NDUFAF2: variants seen among roughly 807,000 people sequenced by gnomAD.
The protein encoded by NDUFAF2 is NADH dehydrogenase [ubiquinone] 1 alpha subcomplex assembly factor 2.
A neutral mutation model predicts 22.8 loss-of-function variants in NDUFAF2; 13 were observed. The ratio of observed to expected loss-of-function variants is 0.57; its 90% confidence interval spans 0.37 to 0.91. The LOEUF is 0.91. NDUFAF2 is among the 40% of genes least tolerant of loss of function. The probability of loss-of-function intolerance (pLI) is 0.01; values close to 1 mark genes in which losing one functional copy is unlikely to be tolerated. For synonymous variants in NDUFAF2, 53 were observed against 64.2 expected (o/e 0.83, Z 0.84); for missense variants, 162 against 195.2 (o/e 0.83, Z 1.01).
At chr5:60,974,569 T>C (rs560871572) in intron 1 of NDUFAF2, among the ~76,000 whole-genome samples, 17 of 152,236 alleles carry the variant, frequency 1.1e-4, no homozygotes, top group African/African-American at 4.1e-4. Context: ...GCCAGGCTGC[T>C]CTCAAACTCC....
chr5:61,120,487 C>T (rs1163867624), intron 3 of NDUFAF2, among the ~76,000 whole-genome samples: 1 of 152,126 alleles, frequency 6.6e-6, no homozygotes, highest in African/African-American at 2.4e-5. Context: ...CGGTTTCTTA[C>T]ATACTTCTAT....
At chr5:61,008,208 C>T (rs929423774) in intron 1 of NDUFAF2, among the ~76,000 whole-genome samples, 28 of 150,912 alleles carry the variant, frequency 1.9e-4, no homozygotes, top group African/African-American at 5.3e-4. Context: ...TGCTAATTGA[C>T]GAGTTAATGG....
chr5:61,015,788 AC>A (rs1751499195), intron 1 of NDUFAF2, among the ~76,000 whole-genome samples: 1 of 152,220 alleles, frequency 6.6e-6, no homozygotes, highest in African/African-American at 2.4e-5. Flanking sequence ...TTAAAAACCA[AC>A]AAAAATAATT....
chr5:61,008,672 C>G (rs1751404725), intron 1 of NDUFAF2, among the ~76,000 whole-genome samples: 1 of 152,038 alleles, frequency 6.6e-6, no homozygotes, highest in African/African-American at 2.4e-5. Context: ...TTTATCTTTA[C>G]TTTCATCAAC....
In NDUFAF2 at chr5:61,082,359, A is replaced by AGAAGTTGG. The variant is rs539602735; in HGVS notation, c.217+9148_217+9155dup. ...GCAATCCTCCTGCCTCAGCCTCTTA[A>AGAAGTTGG]GAAGTTGGGACTACAGACACACATC... On this transcript the variant is annotated intron_variant, in intron 2 of 3. Transcript: ENST00000296597. Among the ~76,000 whole-genome samples the AGAAGTTGG allele has an allele frequency of 1.1e-4, 16 of 152,278 alleles. No individual in the cohort carries two copies. The South Asian group carries it at 3.3e-3, about 32-fold the overall frequency.
At chr5:61,058,348 T>C (rs1752124535) in intron 1 of NDUFAF2, among the ~76,000 whole-genome samples, 1 of 152,096 alleles carries the variant, frequency 6.6e-6, no homozygotes, top group Admixed American at 6.5e-5. Flanking sequence ...GAAAATTAAA[T>C]ACTTGATTAT....
chr5:61,114,360 G>T (rs1752881157), intron 3 of NDUFAF2: 1 of 152,064 alleles, frequency 6.6e-6, no homozygotes, highest in South Asian at 2.1e-4. Flanking sequence ...TTTCAACTCA[G>T]AATTTCTGTT....
intron 1 of NDUFAF2, among the ~76,000 whole-genome samples, chr5:61,036,847 T>C (rs1001110042): frequency 3.3e-5 from 5 of 152,114 alleles, no homozygotes; most frequent in Admixed American, 3.3e-4. Context: ...TGGTCTCCTG[T>C]TGGTATTGCC....
At chr5:61,122,059 G>T (rs540080402) in intron 3 of NDUFAF2, among the ~76,000 whole-genome samples, 2 of 151,982 alleles carry the variant, frequency 1.3e-5, no homozygotes, top group Admixed American at 1.3e-4. Context: ...CAAACTCCTG[G>T]CCTCAAGCAA....
At chr5:60,945,556 C>G in intron 1 of NDUFAF2, 174 bp downstream of exon 1, 1 of 986,142 alleles carries the variant, frequency 1.0e-6, no homozygotes. Flanking sequence ...GCATCGGAGC[C>G]CTACCCGGCC....
intron 1 of NDUFAF2, among the ~76,000 whole-genome samples, chr5:61,010,320 G>T: frequency 6.6e-6 from 1 of 152,018 alleles, no homozygotes; most frequent in East Asian, 1.9e-4. Flanking sequence ...TCTGGTCTCT[G>T]CCTTTCTGAC....
intron 1 of NDUFAF2, among the ~76,000 whole-genome samples, chr5:61,069,821 C>T (rs909832265): frequency 6.6e-6 from 1 of 151,976 alleles, no homozygotes; most frequent in Non-Finnish European, 1.5e-5. Flanking sequence ...AAATGGGCTC[C>T]ATATATTTCT....
At chr5:61,000,225 G>T (rs1751279125) in intron 1 of NDUFAF2, among the ~76,000 whole-genome samples, 1 of 152,038 alleles carries the variant, frequency 6.6e-6, no homozygotes, top group Admixed American at 6.6e-5. Context: ...TTTAGTATTT[G>T]GTGCTCTTTT....
At chr5:61,079,469 T>G (rs563843424) in intron 2 of NDUFAF2, among the ~76,000 whole-genome samples, 1 of 152,300 alleles carries the variant, frequency 6.6e-6, no homozygotes, top group African/African-American at 2.4e-5. Context: ...TTCATAACCC[T>G]TTAAGCCTCC....
chr5:61,094,374 G>C (rs551141101), intron 2 of NDUFAF2, among the ~76,000 whole-genome samples: 1 of 152,146 alleles, frequency 6.6e-6, no homozygotes, highest in Admixed American at 6.5e-5. Context: ...TGTTTTGTCC[G>C]TCAGCCTCTG....
At chr5:61,129,360 C>G (rs764808621) in intron 3 of NDUFAF2, among the ~76,000 whole-genome samples, 1 of 152,100 alleles carries the variant, frequency 6.6e-6, no homozygotes, top group Non-Finnish European at 1.5e-5. Context: ...TATTGCAGCA[C>G]TATTCACAAT....
At chr5:60,983,579 A>C (rs1336776727) in intron 1 of NDUFAF2, among the ~76,000 whole-genome samples, 2 of 150,302 alleles carry the variant, frequency 1.3e-5, no homozygotes, top group African/African-American at 4.9e-5. Flanking sequence ...ATTTTTGTAT[A>C]AGGTGTAAGG....
intron 1 of NDUFAF2, among the ~76,000 whole-genome samples, chr5:60,997,725 A>G (rs1751245689): frequency 1.3e-5 from 2 of 152,220 alleles, no homozygotes; most frequent in Admixed American, 1.3e-4. Flanking sequence ...AGTTTTCAGG[A>G]TCTGCTTTTC....
At chr5:60,967,181 G>T (rs972053430) in intron 1 of NDUFAF2, among the ~76,000 whole-genome samples, 2 of 151,768 alleles carry the variant, frequency 1.3e-5, no homozygotes, top group African/African-American at 4.8e-5. Flanking sequence ...CTGATTTTTT[G>T]TGTCTTGATT....
Sources: gnomAD v4.1 joint callset for allele counts (sites outside exome capture counted in the v4.1 genomes callset) on GRCh38, gnomAD v4.1.1 for gene constraint, MANE v1.5 for transcripts, NCBI Gene and HGNC (gene_info 2026-07-23, HGNC 2026-07-21) for gene names.